The following CHAF1A variants were observed in gnomAD, a reference collection of about 807,000 sequenced individuals.
The protein encoded by CHAF1A is chromatin assembly factor 1 subunit A.
In CHAF1A, 5 loss-of-function variants were observed where a neutral mutation model predicts 93.2. That is an observed-to-expected ratio of 0.05 (90% CI 0.03 to 0.11). The LOEUF is 0.11. CHAF1A is among the 10% of genes least tolerant of loss of function. CHAF1A has a pLI of 1.00. For missense variants in CHAF1A, 1,102 were observed against 1,259.9 expected (o/e 0.87, Z 1.90); for synonymous variants, 504 against 510.3 (o/e 0.99, Z 0.17).
chr19:4,428,580 C>T, intron 7 of CHAF1A, 84 bp from the exon 8 acceptor site: 1 of 1,218,652 alleles, frequency 8.2e-7, no homozygotes, highest in Non-Finnish European at 1.2e-6. Flanking sequence ...TGGATGAATC[C>T]CACCAGCACC....
chr19:4,402,659 C>CGTG lies in CHAF1A; in HGVS notation c.-103_-102insTGG. 1 of 492,112 alleles carries CGTG rather than the reference C, an allele frequency of 2.0e-6. No individual in the cohort carries two copies. The highest frequency in any genetic ancestry group is 2.9e-6 in the Non-Finnish European group (1 of 344,516). The allele number at this position is 492,112 out of a possible 1,614,324, so 30.5% of individuals were successfully genotyped here. A position where few individuals can be genotyped will look rare whatever the true frequency, so the allele number is the denominator to read the frequency against. On this transcript the variant is annotated 5_prime_UTR_variant, in exon 1 of 15. Coordinates refer to ENST00000301280, the MANE Select transcript of CHAF1A (RefSeq NM_005483.3). Reference sequence around the variant, plus strand: ...TCCCGCCAAATACGAGCGCGGCGGCCGCGGCGGCAGCAGCGGCGCGGGCGG... The same window carrying CGTG: ...TCCCGCCAAATACGAGCGCGGCGGCCGTGGCGGCGGCAGCAGCGGCGCGGGCGG...
intron 3 of CHAF1A, among the ~76,000 whole-genome samples, chr19:4,412,373 T>A (rs1973821349): frequency 6.6e-6 from 1 of 152,126 alleles, no homozygotes; most frequent in Non-Finnish European, 1.5e-5. Flanking sequence ...AGAAACCCCG[T>A]CTCTACTAAA....
At position 4,428,762 on chromosome 19, in the gene CHAF1A, C is replaced by T; in HGVS notation, c.1476C>T (p.Cys492=). 6.2e-7 allele frequency: 1 copy of T among 1,614,208 alleles called. No homozygotes were observed. Among genetic ancestry groups the T allele is most frequent in the East Asian group, 2.2e-5 (1 of 44,884 alleles). Residue 492 remains cysteine (C), a synonymous_variant, in exon 8 of 15, where the codon TGC becomes TGT. Coordinates refer to ENST00000301280, the MANE Select transcript of CHAF1A (RefSeq NM_005483.3). ...GGACCGCTTTCCATCCAGACCTCTG[C>T]AGTCAGCTGGACCAGCTCCTCCAGC... The part of the protein sequence containing the change: ...RRRTAFHPDL[C]SQLDQLLQQQ...
At position 4,422,863 on chromosome 19, in the gene CHAF1A, A is replaced by T. The variant is rs1220061028; in HGVS notation, c.1247+68A>T. On this transcript the variant is annotated intron_variant, in intron 5 of 14. Coordinates refer to ENST00000301280, the MANE Select transcript of CHAF1A (RefSeq NM_005483.3). This position sits in a 1 kb window ranked among gnomAD's most constrained non-coding sequence, Gnocchi z 4.6. ...CTGGATTCCGCTCCTGGCCACTCTG[A>T]TGGGGCCTTTCCACTTCACAGGCAG... 1.4e-6 allele frequency: 2 copies of T among 1,432,196 alleles called. No individual in the cohort carries two copies. The highest frequency in any genetic ancestry group is 1.4e-5 in the African/African-American group (1 of 70,712). 88.7% of individuals were successfully genotyped at this position (1,432,196 alleles called of 1,614,324 possible). A position where few individuals can be genotyped will look rare whatever the true frequency, so the allele number is the denominator to read the frequency against.
intron 3 of CHAF1A, among the ~76,000 whole-genome samples, chr19:4,415,546 C>G (rs1474142928): frequency 2.6e-5 from 4 of 152,224 alleles, no homozygotes; most frequent in African/African-American, 9.6e-5. Context: ...AGTTAAATCC[C>G]TCAGCGTGGG....
In CHAF1A at chr19:4,417,356, G is replaced by A. The variant is rs185361178; in HGVS notation, c.961-664G>A. On this transcript the variant is annotated intron_variant, in intron 3 of 14. Coordinates refer to ENST00000301280, the MANE Select transcript of CHAF1A (RefSeq NM_005483.3). ...GAGAAATTGGAAGGACCAGCAAATA[G>A]GGATCTATATTCCTGTAAGAACTCC... 1.4e-3 allele frequency among the ~76,000 whole-genome samples: 212 copies of A among 152,080 alleles called. 2 individuals are homozygous for A. The highest frequency in any genetic ancestry group is 4.9e-3 in the African/African-American group (204 of 41,480).
rs145582898 is a variant in CHAF1A, at chr19:4,409,168, G to T, written c.369G>T (p.Ser123=). Residue 123 remains serine, a synonymous_variant, in exon 3 of 15, where the codon TCG becomes TCT. Transcript: ENST00000301280. ...STVIIDLTED[S]NEQPDSLVDH... is the part of the protein sequence containing the mutation. ...TCATCATTGATTTGACAGAGGACTC[G>T]AATGAGCAGCCAGACAGTCTTGTGG... The T allele has an allele frequency of 6.2e-7, 1 of 1,614,184 alleles. No individual in the cohort carries two copies. Among genetic ancestry groups the T allele is most frequent in the South Asian group, 1.1e-5 (1 of 91,080 alleles).
intron 7 of CHAF1A, among the ~76,000 whole-genome samples, chr19:4,428,037 T>G (rs1974116364): frequency 6.7e-6 from 1 of 150,176 alleles, no homozygotes; most frequent in South Asian, 2.1e-4. Flanking sequence ...TTTTTGTTTT[T>G]AGTAGAGATG....
In CHAF1A at chr19:4,430,061, G is replaced by C. The variant is rs577393132; in HGVS notation, c.1854+273G>C. On this transcript the variant is annotated intron_variant, in intron 10 of 14. Coordinates refer to ENST00000301280, the MANE Select transcript of CHAF1A (RefSeq NM_005483.3). ...GCCCCACAGCCCCCTCTTGCCTCCTGCGGGCCTGCTGCACACCATTTCCTC... is the reference window on the plus strand; with the variant it reads ...GCCCCACAGCCCCCTCTTGCCTCCTCCGGGCCTGCTGCACACCATTTCCTC... 1.3e-5 allele frequency: 6 copies of C among 450,630 alleles called. No homozygotes were observed. In the South Asian group the frequency reaches 1.5e-4, roughly 11 times the overall value. The allele number at this position is 450,630 out of a possible 1,614,324, so 27.9% of individuals were successfully genotyped here.
downstream of CHAF1A, chr19:4,447,526 C>T: frequency 6.2e-7 from 1 of 1,612,700 alleles, no homozygotes; most frequent in East Asian, 2.2e-5. Context: ...AGCCTGGGCC[C>T]CGGGGGCCAG....
chr19:4,416,359 C>T (rs1973897461), intron 3 of CHAF1A, among the ~76,000 whole-genome samples: 1 of 152,314 alleles, frequency 6.6e-6, no homozygotes, highest in South Asian at 2.1e-4. Context: ...GTTTGGTTTT[C>T]AGGATTCCCT....
chr19:4,423,800 T>A lies in CHAF1A; in HGVS notation c.1309-6T>A, dbSNP rs1367023386. 3.7e-6 allele frequency: 6 copies of A among 1,613,908 alleles called. No homozygotes were observed. Among genetic ancestry groups the A allele is most frequent in the Non-Finnish European group, 4.2e-6 (5 of 1,179,800 alleles). Reference sequence around the variant, plus strand: ...TCTTTCTCATCACCATCTCTTAACATCACAGCGCATTAAAGCAGAGAAGGC... The same window carrying A: ...TCTTTCTCATCACCATCTCTTAACAACACAGCGCATTAAAGCAGAGAAGGC... On this transcript the variant is annotated splice_region_variant and splice_polypyrimidine_tract_variant and intron_variant, in intron 6 of 14. Coordinates refer to ENST00000301280, the MANE Select transcript of CHAF1A (RefSeq NM_005483.3).
intron 7 of CHAF1A, among the ~76,000 whole-genome samples, chr19:4,428,186 T>A (rs1344808931): frequency 6.6e-6 from 1 of 150,402 alleles, no homozygotes; most frequent in African/African-American, 2.5e-5. Context: ...GAGATGGGGT[T>A]TCACCATGTT....
In CHAF1A at chr19:4,429,760, C is replaced by T. The variant is rs373219523; in HGVS notation, c.1826C>T (p.Pro609Leu). Residue 609 changes from proline to leucine, a missense_variant, in exon 10 of 15, where the codon CCT becomes CTT. Transcript: ENST00000301280. ...GATGAGGAGTGGGAAGAAGAGGAGC[C>T]TGGGGAGTCCCTGTCCCACAGTGAG... ...DSDEEWEEEEPGESLSHSEGD... is the reference protein window; with the variant it reads ...DSDEEWEEEELGESLSHSEGD... 2.5e-6 allele frequency: 4 copies of T among 1,613,938 alleles called. No homozygotes were observed. The highest frequency in any genetic ancestry group is 2.2e-5 in the South Asian group (2 of 91,052).
At chr19:4,407,767 G>A (rs1973706660) in intron 2 of CHAF1A, among the ~76,000 whole-genome samples, 2 of 152,022 alleles carry the variant, frequency 1.3e-5, no homozygotes, top group South Asian at 4.1e-4. Flanking sequence ...GGCCAACATG[G>A]CGAAACCCTG....
At position 4,432,062 on chromosome 19, in the gene CHAF1A, C is replaced by T. The variant is rs547209645; in HGVS notation, c.2058C>T (p.Ile686=). The change falls in exon 12 of 15, where the codon ATC becomes ATT. Residue 686 remains isoleucine (I), a synonymous_variant. Coordinates refer to ENST00000301280, the MANE Select transcript of CHAF1A (RefSeq NM_005483.3). ...TTCGCGTCCTGCAACCTGTGAAGAT[C>T]GGCTGCGTGTGGGCGGCTGACAGAG... ...KRFRVLQPVK[I]GCVWAADRDC... 15 of 1,613,972 alleles carry T rather than the reference C, an allele frequency of 9.3e-6. No homozygotes were observed. Among genetic ancestry groups the T allele is most frequent in the East Asian group, 4.5e-5 (2 of 44,866 alleles).
At chr19:4,408,192 C>CTTTT (rs201044725) in intron 2 of CHAF1A, among the ~76,000 whole-genome samples, 1 of 136,604 alleles carries the variant, frequency 7.3e-6, no homozygotes, top group African/African-American at 2.7e-5. Flanking sequence ...CCTGCCCCGT[C>CTTTT]TTTTTTTTTT....
Position 4,409,604 on chromosome 19 carries a change from A to C in CHAF1A, c.805A>C (p.Ser269Arg). 1 of 1,614,028 alleles carries C rather than the reference A, an allele frequency of 6.2e-7. No homozygotes were observed. The highest frequency in any genetic ancestry group is 8.5e-7 in the Non-Finnish European group (1 of 1,179,984). Residue 269 changes from serine (S) to arginine (R), a missense_variant, in exon 3 of 15, where the codon AGT (serine) becomes CGT (arginine). By Grantham distance (110) the Ser-to-Arg change is moderately radical. Coordinates refer to ENST00000301280, the MANE Select transcript of CHAF1A (RefSeq NM_005483.3). The stretch of plus-strand genomic sequence containing the variant: ...CCAAGGCAAGAACATGACCCCTGAG[A>C]GTGAGGTGCTGGAATCTTTCCCCGA... ...TPQGKNMTPE[S>R]EVLESFPEED... is the part of the protein sequence containing the mutation.
chr19:4,420,607 T>C (rs1029123032), intron 4 of CHAF1A, among the ~76,000 whole-genome samples: 9 of 152,148 alleles, frequency 5.9e-5, no homozygotes, highest in African/African-American at 2.2e-4. Flanking sequence ...GCCAAGTCTT[T>C]GGAATGAGGA....
Sources: gnomAD v4.1 joint callset for allele counts (sites outside exome capture counted in the v4.1 genomes callset) on GRCh38, gnomAD v4.1.1 for gene constraint, Gnocchi (gnomAD v3.1) non-coding constraint, MANE v1.5 for transcripts, NCBI Gene and HGNC (gene_info 2026-07-23, HGNC 2026-07-21) for gene names.